ZNF385B: variants seen among roughly 807,000 people sequenced by gnomAD.
The protein encoded by ZNF385B is zinc finger protein 385B.
Under a neutral mutation model 39.2 loss-of-function variants are expected in ZNF385B, and 23 were observed. The ratio of observed to expected loss-of-function variants is 0.59; its 90% CI spans 0.42 to 0.83. The LOEUF is 0.83. Ranked by LOEUF, ZNF385B falls within the 40% of genes least tolerant of loss-of-function variation. ZNF385B has a pLI of 0.00. For synonymous variants in ZNF385B, 205 were observed against 222.6 expected (o/e 0.92, Z 0.70); for missense variants, 552 against 598.9 (o/e 0.92, Z 0.82).
intron 3 of ZNF385B, among the ~76,000 whole-genome samples, chr2:179,596,740 C>T (rs1688030808): frequency 6.6e-6 from 1 of 152,110 alleles, no homozygotes; most frequent in East Asian, 1.9e-4. Context: ...TTACTTTTAC[C>T]ATCTTTTGTC....
chr2:179,841,997 G>A (rs1708560833), intron 1 of ZNF385B, among the ~76,000 whole-genome samples: 1 of 152,160 alleles, frequency 6.6e-6, no homozygotes, highest in South Asian at 2.1e-4. Context: ...CTGGAAGCCA[G>A]GCTGCCTACC....
chr2:179,579,895 T>C (rs1318977990), intron 3 of ZNF385B, among the ~76,000 whole-genome samples: 2 of 152,200 alleles, frequency 1.3e-5, no homozygotes, highest in Non-Finnish European at 2.9e-5. Flanking sequence ...TGAGAAATTT[T>C]AGTGAGTTAA....
chr2:179,816,373 G>A (rs572133906), intron 1 of ZNF385B, among the ~76,000 whole-genome samples: 22 of 152,268 alleles, frequency 1.4e-4, no homozygotes, highest in African/African-American at 4.6e-4. Context: ...GACCTTTTCC[G>A]TCATCTGTTA....
chr2:179,565,214 T>C lies in ZNF385B; in HGVS notation c.299-20245A>G, dbSNP rs573352782. On this transcript the variant is annotated intron_variant, in intron 3 of 9. Coordinates refer to ENST00000410066, the MANE Select transcript of ZNF385B (RefSeq NM_152520.6). ...CAGTGAGTTACAGGCTCTGTAATAC[T>C]ATACACCTGTCTAAATCTCTACTCG... Among the ~76,000 whole-genome samples, 6 of 152,322 alleles carry C rather than the reference T, an allele frequency of 3.9e-5. No homozygotes were observed. The East Asian group carries it at 1.2e-3, about 29-fold the overall frequency.
At chr2:179,472,761 C>T (rs540326581) in intron 6 of ZNF385B, among the ~76,000 whole-genome samples, 23 of 152,242 alleles carry the variant, frequency 1.5e-4, no homozygotes, top group African/African-American at 5.1e-4. Context: ...GGATCATACC[C>T]CCCCTCCCTA....
At chr2:179,644,945 T>A (rs184633949) in intron 3 of ZNF385B, among the ~76,000 whole-genome samples, 6 of 152,352 alleles carry the variant, frequency 3.9e-5, no homozygotes, top group Admixed American at 3.3e-4. Flanking sequence ...TCAAAGTTTG[T>A]TATAACCTGT....
At chr2:179,464,235 A>C (rs2105484682) in intron 6 of ZNF385B, among the ~76,000 whole-genome samples, 1 of 152,204 alleles carries the variant, frequency 6.6e-6, no homozygotes, top group African/African-American at 2.4e-5. Context: ...TTCTTTGTAG[A>C]TTCTGGATAT....
intron 3 of ZNF385B, among the ~76,000 whole-genome samples, chr2:179,564,588 C>T (rs912327915): frequency 6.6e-6 from 1 of 152,144 alleles, no homozygotes; most frequent in Non-Finnish European, 1.5e-5. Flanking sequence ...TTTAGAGTAG[C>T]CTACCCTTCC....
At chr2:179,541,592 A>G (rs2059922527) in intron 4 of ZNF385B, among the ~76,000 whole-genome samples, 1 of 152,216 alleles carries the variant, frequency 6.6e-6, no homozygotes, top group South Asian at 2.1e-4. Flanking sequence ...CCTTGGTTAA[A>G]AATAAAACGA....
intron 6 of ZNF385B, among the ~76,000 whole-genome samples, chr2:179,455,816 CAGGAG>C (rs1286782279): frequency 1.3e-5 from 2 of 148,960 alleles, no homozygotes; most frequent in Non-Finnish European, 3.0e-5. Context: ...CTCTTGAACC[CAGGAG>C]GCAGAGGTTG....
At chr2:179,724,886 T>C (rs538758616) in intron 3 of ZNF385B, among the ~76,000 whole-genome samples, 5 of 152,294 alleles carry the variant, frequency 3.3e-5, no homozygotes, top group Admixed American at 3.3e-4. Context: ...TGAATGATTT[T>C]TATAGAAATT....
intron 3 of ZNF385B, among the ~76,000 whole-genome samples, chr2:179,574,228 T>G (rs867215147): frequency 6.6e-6 from 1 of 152,078 alleles, no homozygotes; most frequent in Non-Finnish European, 1.5e-5. Context: ...CACAATCTAT[T>G]TGGGGAAAAA....
intron 1 of ZNF385B, among the ~76,000 whole-genome samples, chr2:179,823,263 T>C (rs1271952539): frequency 2.6e-5 from 4 of 152,158 alleles, no homozygotes; most frequent in Admixed American, 2.6e-4. Context: ...TATGCTGTAT[T>C]ACAAAGCTGC....
intron 3 of ZNF385B, among the ~76,000 whole-genome samples, chr2:179,707,093 A>G (rs1699657912): frequency 6.6e-6 from 1 of 152,226 alleles, no homozygotes; most frequent in African/African-American, 2.4e-5. Context: ...GTCACCATCA[A>G]GATAAAAGCT....
intron 3 of ZNF385B, among the ~76,000 whole-genome samples, chr2:179,654,419 T>C (rs1693528607): frequency 6.6e-6 from 1 of 152,126 alleles, no homozygotes; most frequent in African/African-American, 2.4e-5. Flanking sequence ...TAGGAGCCTG[T>C]CACATGGGCC....
chr2:179,506,141 G>A (rs1430565988), intron 5 of ZNF385B, among the ~76,000 whole-genome samples: 1 of 152,110 alleles, frequency 6.6e-6, no homozygotes, highest in African/African-American at 2.4e-5. Flanking sequence ...CTTCAAGCTT[G>A]TTTCAGATGC....
At chr2:179,483,123 C>G in intron 6 of ZNF385B, 149 bp downstream of exon 6, 1 of 855,564 alleles carries the variant, frequency 1.2e-6, no homozygotes, top group South Asian at 1.8e-5. Context: ...TCTGTGCAAA[C>G]ATATAATCCT....
chr2:179,766,773 TA>T (rs1465259122), intron 3 of ZNF385B, among the ~76,000 whole-genome samples: 2 of 152,216 alleles, frequency 1.3e-5, no homozygotes, highest in Admixed American at 6.5e-5. Context: ...AATTCCAATA[TA>T]TTTTTTTGTG....
intron 4 of ZNF385B, among the ~76,000 whole-genome samples, chr2:179,537,832 C>CA (rs2059683466): frequency 6.6e-6 from 1 of 151,478 alleles, no homozygotes; most frequent in Non-Finnish European, 1.5e-5. Context: ...AATATTTGTA[C>CA]AAAATCTTTG....
Sources: gnomAD v4.1 joint callset for allele counts (sites outside exome capture counted in the v4.1 genomes callset) on GRCh38, gnomAD v4.1.1 for gene constraint, MANE v1.5 for transcripts, NCBI Gene and HGNC (gene_info 2026-07-23, HGNC 2026-07-21) for gene names.